Variants in DHRSX observed in about 807,000 individuals in gnomAD.
The protein encoded by DHRSX is polyprenol dehydrogenase.
DHRSX carries 31 observed loss-of-function variants against 34.0 expected under a neutral mutation model. That is an observed-to-expected ratio of 0.91 (90% confidence interval 0.69 to 1.23). The LOEUF (loss-of-function observed/expected upper bound fraction) is 1.23, where lower values mean the gene tolerates loss of function less well. DHRSX is among the 50% of genes most tolerant of loss of function. The pLI is 0.00. For synonymous variants in DHRSX, 201 were observed against 183.8 expected, an observed-to-expected ratio of 1.09 and a Z score of -0.76; for missense variants, 414 against 428.1, an observed-to-expected ratio of 0.97 and a Z score of 0.29.
chrX:2,494,766 CTAT>C (rs1056069042), intron 1 of DHRSX, among the ~76,000 whole-genome samples: 1 of 151,726 alleles, frequency 6.6e-6, no homozygotes, highest in African/African-American at 2.4e-5. Context: ...TTATATTCCA[CTAT>C]TATTATTTGG....
Position 2,449,925 on chromosome X carries a change from G to C in DHRSX, c.110-24621C>G, listed in dbSNP as rs183894097. On this transcript the variant is annotated intron_variant, in intron 1 of 6. Transcript: ENST00000334651. The stretch of plus-strand genomic sequence containing the variant: ...TGGGATTACGGGCGTGAGCCACCAC[G>C]CCTGGCCATGCAGCTGTTTTAATAA... 4.2e-3 allele frequency among the ~76,000 whole-genome samples: 645 copies of C among 152,144 alleles called. 1 individual carries two copies. The highest frequency in any genetic ancestry group is 0.015 in the African/African-American group (618 of 41,514).
intron 1 of DHRSX, among the ~76,000 whole-genome samples, chrX:2,466,904 A>G (rs1050435884): frequency 2.6e-5 from 4 of 152,024 alleles, no homozygotes; most frequent in African/African-American, 9.7e-5. Context: ...TGTCACTACT[A>G]AAAATACAAA....
In DHRSX at chrX:2,408,337, G is replaced by A. The variant is rs185032606; in HGVS notation, c.286+408C>T. On this transcript the variant is annotated intron_variant, in intron 3 of 6. Coordinates refer to ENST00000334651, the MANE Select transcript of DHRSX (RefSeq NM_145177.3). The stretch of plus-strand genomic sequence containing the variant: ...GATCCACCCGCCTCAGCCTCCCAAA[G>A]TGCTGGGATTACAGGCGCGAGCCAC... 3.0e-3 allele frequency among the ~76,000 whole-genome samples: 455 copies of A among 152,136 alleles called. 6 individuals are homozygous for A. Among genetic ancestry groups the A allele is most frequent in the Non-Finnish European group, 1.6e-3 (107 of 67,982 alleles).
chrX:2,335,386 G>T (rs2042544303), intron 3 of DHRSX, among the ~76,000 whole-genome samples: 1 of 151,880 alleles, frequency 6.6e-6, no homozygotes, highest in Admixed American at 6.6e-5. Context: ...GACTCGAAGT[G>T]GGGAGGGGGC....
chrX:2,335,236 T>C (rs1219354919), intron 3 of DHRSX, among the ~76,000 whole-genome samples: 3 of 151,102 alleles, frequency 2.0e-5, no homozygotes, highest in African/African-American at 7.3e-5. Flanking sequence ...GACGCACCCA[T>C]GACACAGCCT....
intron 3 of DHRSX, among the ~76,000 whole-genome samples, chrX:2,341,512 G>A (rs191184014): frequency 5.3e-5 from 8 of 152,092 alleles, no homozygotes; most frequent in African/African-American, 1.4e-4. Context: ...CTCCTCTTCC[G>A]TCTCTTACAA....
chrX:2,369,724 G>A (rs1314526296), intron 3 of DHRSX, among the ~76,000 whole-genome samples: 5 of 151,742 alleles, frequency 3.3e-5, no homozygotes, highest in Non-Finnish European at 7.4e-5. Flanking sequence ...GGCTGGTCTC[G>A]AACACCTGAC....
intron 3 of DHRSX, among the ~76,000 whole-genome samples, chrX:2,385,130 GTGTGTGTA>G (rs2043256508): frequency 7.4e-6 from 1 of 135,104 alleles, no homozygotes; most frequent in African/African-American, 2.6e-5. Context: ...GTGTGTGTGT[GTGTGTGTA>G]TGTGTATATA....
chrX:2,391,161 G>T (rs1251379978), intron 3 of DHRSX, among the ~76,000 whole-genome samples: 1 of 152,116 alleles, frequency 6.6e-6, no homozygotes, highest in Non-Finnish European at 1.5e-5. Context: ...CCAATTCTTT[G>T]AGGTATATAC....
intron 2 of DHRSX, among the ~76,000 whole-genome samples, chrX:2,423,978 T>C (rs1187962494): frequency 6.6e-6 from 1 of 152,222 alleles, no homozygotes; most frequent in Admixed American, 6.5e-5. Flanking sequence ...GGAGCTTGTG[T>C]TTGAACAAAA....
chrX:2,486,231 T>C (rs1774508479), intron 1 of DHRSX, among the ~76,000 whole-genome samples: 1 of 152,058 alleles, frequency 6.6e-6, no homozygotes, highest in African/African-American at 2.4e-5. Context: ...CACCCGAAAG[T>C]ACATCATAAC....
At chrX:2,443,325 G>A (rs1205139263) in intron 1 of DHRSX, among the ~76,000 whole-genome samples, 2 of 151,974 alleles carry the variant, frequency 1.3e-5, no homozygotes, top group East Asian at 3.9e-4. Context: ...CAGCCACCGT[G>A]GCTGGCCCTC....
chrX:2,407,617 C>T (rs926034573), intron 3 of DHRSX, among the ~76,000 whole-genome samples: 17 of 152,192 alleles, frequency 1.1e-4, no homozygotes, highest in Non-Finnish European at 1.9e-4. Context: ...AAATCTTATT[C>T]GGGAGCATTT....
intron 1 of DHRSX, among the ~76,000 whole-genome samples, chrX:2,435,456 A>C (rs1213158228): frequency 9.9e-6 from 1 of 101,256 alleles, no homozygotes; most frequent in Non-Finnish European, 1.9e-5. Context: ...TAAAAACCTT[A>C]ATTGGAAAAA....
At chrX:2,361,762 A>T (rs1406133083) in intron 3 of DHRSX, among the ~76,000 whole-genome samples, 27 of 152,334 alleles carry the variant, frequency 1.8e-4, no homozygotes, top group Non-Finnish European at 3.5e-4. Context: ...TCTAAAAAGA[A>T]GATGTCTGGA....
chrX:2,362,871 G>A (rs867495954), intron 3 of DHRSX, among the ~76,000 whole-genome samples: 20 of 116,962 alleles, frequency 1.7e-4, no homozygotes, highest in Middle Eastern at 4.1e-3. Context: ...TTTTATCACC[G>A]TTCTATGATA....
chrX:2,484,468 C>T (rs1158399040), intron 1 of DHRSX, among the ~76,000 whole-genome samples: 1 of 152,162 alleles, frequency 6.6e-6, no homozygotes, highest in Admixed American at 6.5e-5. Flanking sequence ...GGCTGCAAAG[C>T]CCTGAAACCC....
chrX:2,428,220 T>G (rs1285104600), intron 1 of DHRSX, among the ~76,000 whole-genome samples: 1 of 152,200 alleles, frequency 6.6e-6, no homozygotes, highest in Non-Finnish European at 1.5e-5. Context: ...AATATATTCA[T>G]GTAACACAAG....
chrX:2,294,888 G>C (rs936245593), intron 3 of DHRSX, among the ~76,000 whole-genome samples: 24 of 152,028 alleles, frequency 1.6e-4, no homozygotes, highest in African/African-American at 5.8e-4. Context: ...GAGAAAGTGT[G>C]TGTTAGTTTC....
Sources: gnomAD v4.1 joint callset for allele counts (sites outside exome capture counted in the v4.1 genomes callset) on GRCh38, gnomAD v4.1.1 for gene constraint, MANE v1.5 for transcripts, NCBI Gene and HGNC (gene_info 2026-07-23, HGNC 2026-07-21) for gene names.